Variants in TAFA1 observed in about 807,000 individuals in gnomAD.
TAFA1 encodes TAFA chemokine like family member 1.
A neutral mutation model predicts 18.5 loss-of-function variants in TAFA1; 4 were observed. The observed-to-expected ratio is 0.22, with a 90% CI of 0.11 to 0.49. TAFA1 has a LOEUF of 0.49. Among genes scored for constraint, TAFA1 ranks in the 20% least tolerant of loss-of-function variants. The pLI is 0.98. For missense variants in TAFA1, 147 were observed against 169.0 expected (o/e 0.87, Z 0.72); for synonymous variants, 56 against 55.2 (o/e 1.01, Z -0.06).
In TAFA1 at chr3:68,452,567, A is replaced by G. The variant is rs114177142; in HGVS notation, c.259+35147A>G. On this transcript the variant is annotated intron_variant, in intron 3 of 4. Transcript: ENST00000478136. ...CTAGCAAACAAAAAACCTGGTAAGAACATGTCTACTACTATGCTTACTCAG... is the reference window on the plus strand; with the variant it reads ...CTAGCAAACAAAAAACCTGGTAAGAGCATGTCTACTACTATGCTTACTCAG... Among the ~76,000 whole-genome samples, 656 of 151,812 alleles carry G rather than the reference A, an allele frequency of 4.3e-3. 5 individuals are homozygous for G. The highest frequency in any genetic ancestry group is 0.015 in the African/African-American group (626 of 41,406).
intron 3 of TAFA1, among the ~76,000 whole-genome samples, chr3:68,491,476 T>A (rs1039447781): frequency 7.7e-6 from 1 of 130,436 alleles, no homozygotes; most frequent in African/African-American, 3.0e-5. Context: ...CACTCATAGG[T>A]GGGAATTGAA....
chr3:68,385,071 A>G (rs1210195097), intron 2 of TAFA1, among the ~76,000 whole-genome samples: 1 of 151,616 alleles, frequency 6.6e-6, no homozygotes, highest in African/African-American at 2.4e-5. Context: ...TGCTTCTATA[A>G]TTACTAACTG....
chr3:68,023,139 T>A (rs1351826583), intron 2 of TAFA1, among the ~76,000 whole-genome samples: 1 of 151,944 alleles, frequency 6.6e-6, no homozygotes, highest in African/African-American at 2.4e-5. Context: ...TCTCTGCCAG[T>A]ATCATTAGTT....
chr3:68,521,635 T>C (rs1271632617), intron 3 of TAFA1, among the ~76,000 whole-genome samples: 1 of 152,120 alleles, frequency 6.6e-6, no homozygotes, highest in East Asian at 1.9e-4. Context: ...AAGTATACCT[T>C]AGAGACAGTT....
intron 3 of TAFA1, among the ~76,000 whole-genome samples, chr3:68,481,489 C>T (rs1288672009): frequency 6.6e-6 from 1 of 152,132 alleles, no homozygotes; most frequent in Non-Finnish European, 1.5e-5. Context: ...ACGTTATATA[C>T]CTCTTTTGGC....
intron 2 of TAFA1, among the ~76,000 whole-genome samples, chr3:68,098,282 A>T (rs1559519286): frequency 6.6e-6 from 1 of 152,132 alleles, no homozygotes; most frequent in African/African-American, 2.4e-5. Flanking sequence ...TTTCTGTTAC[A>T]TGCATCTAAA....
intron 2 of TAFA1, among the ~76,000 whole-genome samples, chr3:68,114,902 G>T (rs2065307365): frequency 6.6e-6 from 1 of 152,108 alleles, no homozygotes; most frequent in East Asian, 1.9e-4. Context: ...CACTCACATG[G>T]TGAATATTGG....
chr3:68,513,234 G>T (rs2072875360), intron 3 of TAFA1, among the ~76,000 whole-genome samples: 1 of 152,112 alleles, frequency 6.6e-6, no homozygotes, highest in African/African-American at 2.4e-5. Flanking sequence ...GGGAGTGAAG[G>T]AGTAGTGAGT....
At chr3:68,153,276 G>C (rs1010055647) in intron 2 of TAFA1, among the ~76,000 whole-genome samples, 11 of 152,124 alleles carry the variant, frequency 7.2e-5, no homozygotes, top group African/African-American at 2.4e-4. Context: ...GACCCAATTA[G>C]TGGAGTTAAT....
chr3:68,147,695 A>AT (rs5849806), intron 2 of TAFA1, among the ~76,000 whole-genome samples: 10,642 of 152,000 alleles, frequency 0.07, 435 homozygotes, highest in Middle Eastern at 0.13. Context: ...AGGGCAAAAC[A>AT]TTTTTTTTGT....
chr3:68,023,152 G>T (rs73837238), intron 2 of TAFA1, among the ~76,000 whole-genome samples: 1 of 151,798 alleles, frequency 6.6e-6, no homozygotes, highest in African/African-American at 2.4e-5. Flanking sequence ...CATTAGTTTT[G>T]TTTGTGATGG....
chr3:68,307,424 C>T (rs1023683504), intron 2 of TAFA1, among the ~76,000 whole-genome samples: 1 of 152,148 alleles, frequency 6.6e-6, no homozygotes, highest in Non-Finnish European at 1.5e-5. Flanking sequence ...TATATAAATA[C>T]AGACTAGCTC....
At chr3:68,031,948 C>T (rs1293247713) in intron 2 of TAFA1, among the ~76,000 whole-genome samples, 1 of 152,082 alleles carries the variant, frequency 6.6e-6, no homozygotes, top group Admixed American at 6.6e-5. Context: ...GGATTTGAAT[C>T]TTCTTATAGT....
At chr3:68,190,093 T>A (rs530572850) in intron 2 of TAFA1, among the ~76,000 whole-genome samples, 1 of 152,086 alleles carries the variant, frequency 6.6e-6, no homozygotes, top group South Asian at 2.1e-4. Context: ...TCATGTGAAA[T>A]CAGCCTGATC....
chr3:68,449,257 G>C (rs1446447144), intron 3 of TAFA1, among the ~76,000 whole-genome samples: 1 of 152,132 alleles, frequency 6.6e-6, no homozygotes, highest in Non-Finnish European at 1.5e-5. Context: ...CAGCTACGGG[G>C]AACAGCATCA....
intron 2 of TAFA1, among the ~76,000 whole-genome samples, chr3:68,155,647 T>C (rs1418216658): frequency 2.0e-5 from 3 of 152,026 alleles, no homozygotes; most frequent in Admixed American, 2.0e-4. Context: ...CTTTTAAAAG[T>C]CTTGGGCCAC....
At chr3:68,395,901 C>T (rs2070374757) in intron 2 of TAFA1, among the ~76,000 whole-genome samples, 1 of 151,916 alleles carries the variant, frequency 6.6e-6, no homozygotes, top group Middle Eastern at 3.4e-3. Flanking sequence ...ACATGTATAC[C>T]TATGTAACAA....
At chr3:68,453,844 T>A (rs2071609210) in intron 3 of TAFA1, among the ~76,000 whole-genome samples, 1 of 152,202 alleles carries the variant, frequency 6.6e-6, no homozygotes, top group Non-Finnish European at 1.5e-5. Context: ...CCCATAATCC[T>A]CTGCATGCAT....
At chr3:68,048,326 G>A (rs189070982) in intron 2 of TAFA1, among the ~76,000 whole-genome samples, 1 of 152,018 alleles carries the variant, frequency 6.6e-6, no homozygotes, top group Non-Finnish European at 1.5e-5. Context: ...AAAATTTGTG[G>A]GTAAGTAGTA....
Sources: allele counts gnomAD v4.1 joint callset (sites outside exome capture counted in the v4.1 genomes callset), GRCh38; gene constraint gnomAD v4.1.1; transcripts MANE v1.5; gene names NCBI Gene and HGNC (gene_info 2026-07-23, HGNC 2026-07-21).